Variants in HDX observed in about 807,000 individuals in gnomAD.
The protein encoded by HDX is chromosome X open reading frame 43.
In HDX, 19 loss-of-function variants were observed where a neutral mutation model predicts 45.2. That is an observed-to-expected ratio of 0.42 (90% CI 0.29 to 0.62). The LOEUF (loss-of-function observed/expected upper bound fraction) is 0.62. HDX is among the 20% of genes least tolerant of loss of function. HDX has a pLI of 0.20. For synonymous variants in HDX, 188 were observed against 172.8 expected (o/e 1.09, Z -0.69); for missense variants, 532 against 493.9 (o/e 1.08, Z -0.73).
At chrX:84,501,879 A>G (rs1409625563) in intron 1 of HDX, among the ~76,000 whole-genome samples, 1 of 109,224 alleles carries the variant, frequency 9.2e-6, no homozygotes, top group Non-Finnish European at 1.9e-5. Flanking sequence ...TTCTCCTCAC[A>G]GTGACCCACC....
At chrX:84,378,227 G>A (rs141703939) in intron 5 of HDX, among the ~76,000 whole-genome samples, 12,036 of 111,170 alleles carry the variant, frequency 0.11, 625 homozygotes, top group East Asian at 0.27. Context: ...TTTCATTAAC[G>A]CGAGACCTGT....
chrX:84,379,683 A>T (rs986400446), intron 5 of HDX, among the ~76,000 whole-genome samples: 103 of 111,194 alleles, frequency 9.3e-4, no homozygotes, highest in African/African-American at 3.2e-3. Flanking sequence ...TTTTGAAACA[A>T]ATAATAGAAA....
At chrX:84,501,246 T>C in intron 1 of HDX, among the ~76,000 whole-genome samples, 1 of 111,642 alleles carries the variant, frequency 9.0e-6, no homozygotes, top group Middle Eastern at 4.6e-3. Flanking sequence ...ATATAAGTAA[T>C]ATAACAGCCT....
intron 4 of HDX, among the ~76,000 whole-genome samples, chrX:84,456,875 A>T (rs1379805373): frequency 8.9e-6 from 1 of 111,856 alleles, no homozygotes; most frequent in African/African-American, 3.2e-5. Context: ...ATAGATATAT[A>T]AAACATATAT....
At chrX:84,461,595 A>G (rs1348016660) in intron 4 of HDX, among the ~76,000 whole-genome samples, 1 of 111,549 alleles carries the variant, frequency 9.0e-6, no homozygotes, top group Non-Finnish European at 1.9e-5. Context: ...TCTCCAGGAC[A>G]CTGCACTTGA....
rs988788665 is a variant in HDX, at chrX:84,410,757, A to G, written c.1305+29775T>C. 2.7e-5 allele frequency among the ~76,000 whole-genome samples: 3 copies of G among 111,464 alleles called. No homozygotes were observed. In the Admixed American group the frequency reaches 2.9e-4, roughly 11 times the overall value. On this transcript the variant is annotated intron_variant, in intron 5 of 10. Coordinates refer to ENST00000373177, the MANE Select transcript of HDX (RefSeq NM_001177479.2). ...GGAGAAATGATACCAGCTCTTCCATATATGTCTGGTAGAATTTAGCTGTGA... is the reference window on the plus strand; with the variant it reads ...GGAGAAATGATACCAGCTCTTCCATGTATGTCTGGTAGAATTTAGCTGTGA...
intron 9 of HDX, among the ~76,000 whole-genome samples, chrX:84,327,940 C>A (rs1303234058): frequency 9.0e-6 from 1 of 110,637 alleles, no homozygotes; most frequent in Admixed American, 9.7e-5. Context: ...CCTCTCACCT[C>A]AGTAGCTAGA....
intron 9 of HDX, among the ~76,000 whole-genome samples, chrX:84,328,240 C>A (rs930540994): frequency 2.7e-5 from 3 of 110,400 alleles, no homozygotes; most frequent in African/African-American, 9.9e-5. Flanking sequence ...GGTGTGGTGG[C>A]ATGCAGCTAT....
At chrX:84,360,567 G>A (rs2037598448) in intron 6 of HDX, among the ~76,000 whole-genome samples, 1 of 110,978 alleles carries the variant, frequency 9.0e-6, no homozygotes, top group Non-Finnish European at 1.9e-5. Context: ...TTAACAGTCA[G>A]GTCCCATCCC....
intron 5 of HDX, chrX:84,440,302 CTG>C: frequency 3.5e-6 from 1 of 287,736 alleles, no homozygotes; most frequent in Non-Finnish European, 6.1e-6. Context: ...ACTTTTAAAA[CTG>C]AGAAAACTGC....
At chrX:84,460,739 A>G (rs893290454) in intron 4 of HDX, among the ~76,000 whole-genome samples, 1 of 111,952 alleles carries the variant, frequency 8.9e-6, no homozygotes, top group African/African-American at 3.2e-5. Context: ...AGTTTGAAAG[A>G]GGAAGTCATA....
chrX:84,352,917 A>C (rs1347943349), intron 6 of HDX, among the ~76,000 whole-genome samples: 1 of 110,963 alleles, frequency 9.0e-6, no homozygotes. Flanking sequence ...GGAAAAGACC[A>C]GTCTCCCTAG....
intron 4 of HDX, among the ~76,000 whole-genome samples, chrX:84,440,856 G>A (rs1392371169): frequency 9.0e-6 from 1 of 110,650 alleles, no homozygotes; most frequent in Non-Finnish European, 1.9e-5. Flanking sequence ...GGACTCTGTT[G>A]CAAGTTTTAA....
chrX:84,399,603 A>C (rs1310244743), intron 5 of HDX, among the ~76,000 whole-genome samples: 1 of 111,808 alleles, frequency 8.9e-6, no homozygotes, highest in Non-Finnish European at 1.9e-5. Flanking sequence ...GCCCAAGAGC[A>C]GACATATTCA....
Position 84,371,208 on chromosome X carries a change from C to T in HDX, c.1306-9596G>A, listed in dbSNP as rs757638241. ...TATTTGAATCTCAGTTCTGTCTCTT[C>T]CTAGTTGTGAAAAAGTGACTTAATC... is the stretch of plus-strand genomic sequence containing the variant. On this transcript the variant is annotated intron_variant, in intron 5 of 10. Coordinates refer to ENST00000373177, the MANE Select transcript of HDX (RefSeq NM_001177479.2). Among the ~76,000 whole-genome samples, 8 of 111,738 alleles carry T rather than the reference C, an allele frequency of 7.2e-5. No homozygotes were observed. The Admixed American group carries it at 7.6e-4, about 11-fold the overall frequency.
At chrX:84,493,370 A>G (rs1232614146) in intron 1 of HDX, among the ~76,000 whole-genome samples, 1 of 112,020 alleles carries the variant, frequency 8.9e-6, no homozygotes, top group Non-Finnish European at 1.9e-5. Flanking sequence ...AAAACTTATC[A>G]TATGATTTTC....
intron 6 of HDX, among the ~76,000 whole-genome samples, chrX:84,354,930 CATATATATATATATATATAT>C (rs72331919): frequency 2.8e-4 from 21 of 74,829 alleles, no homozygotes; most frequent in South Asian, 6.9e-4. Flanking sequence ...CACACACACA[CATATATATATATATATATAT>C]ATATATATAT....
intron 6 of HDX, among the ~76,000 whole-genome samples, 163 bp from the exon 7 acceptor site, chrX:84,344,620 TTG>T (rs1317612856): frequency 1.8e-5 from 2 of 111,065 alleles, no homozygotes; most frequent in African/African-American, 6.6e-5. Context: ...ATAAAAATAA[TTG>T]TGTTTTATAT....
intron 5 of HDX, among the ~76,000 whole-genome samples, chrX:84,385,472 C>G (rs2038296713): frequency 9.1e-6 from 1 of 109,963 alleles, no homozygotes; most frequent in African/African-American, 3.3e-5. Flanking sequence ...CTCGGCCTCC[C>G]AAAGTGCTGG....
Sources: gnomAD v4.1 joint callset for allele counts (sites outside exome capture counted in the v4.1 genomes callset) on GRCh38, gnomAD v4.1.1 for gene constraint, MANE v1.5 for transcripts, NCBI Gene and HGNC (gene_info 2026-07-23, HGNC 2026-07-21) for gene names.